COL24A1: variants seen among roughly 807,000 people sequenced by gnomAD.
The protein encoded by COL24A1 is collagen alpha-1(XXIV) chain.
Under a neutral mutation model 253.9 loss-of-function variants are expected in COL24A1, and 224 were observed. That is an observed-to-expected ratio of 0.88 (90% CI 0.79 to 0.99). The LOEUF (loss-of-function observed/expected upper bound fraction) is 0.99. COL24A1 is among the 50% of genes least tolerant of loss of function. The probability of loss-of-function intolerance (pLI) is 0.00; values close to 1 mark genes in which losing one functional copy is unlikely to be tolerated. For missense variants in COL24A1, 2,131 were observed against 2,068.5 expected, an observed-to-expected ratio of 1.03 and a Z score of -0.59; for synonymous variants, 685 against 673.7, an observed-to-expected ratio of 1.02 and a Z score of -0.26.
Position 85,744,792 on chromosome 1 carries a change from C to T in COL24A1, c.4546G>A (p.Glu1516Lys). 6.2e-7 allele frequency: 1 copy of T among 1,610,538 alleles called. No homozygotes were observed. Among genetic ancestry groups the T allele is most frequent in the East Asian group, 2.2e-5 (1 of 44,798 alleles). The change falls in exon 57 of 60, where the codon GAG becomes AAG. Residue 1516 changes from glutamate to lysine, a missense_variant. Physicochemically the swap from Glu to Lys is moderately conservative, Grantham distance 56 (BLOSUM62 1). Coordinates refer to ENST00000370571, the MANE Select transcript of COL24A1 (RefSeq NM_152890.7). ...TEVTLIDHSE[E>K]IFKTLNYLSN... ...AGGTAGTTCAGGGTTTTGAATATCT[C>T]TTCACTGTGGTCAATTAAAGTCACT...
chr1:85,848,875 T>C (rs1677436694), intron 38 of COL24A1, among the ~76,000 whole-genome samples: 1 of 152,186 alleles, frequency 6.6e-6, no homozygotes, highest in Non-Finnish European at 1.5e-5. Flanking sequence ...AGTAAAATAT[T>C]TTTAGTAAAA....
chr1:85,906,264 C>CTT lies in COL24A1; in HGVS notation c.2778+928_2778+929dup, dbSNP rs10526604. Among the ~76,000 whole-genome samples, 349 of 77,844 alleles carry CTT rather than the reference C, an allele frequency of 4.5e-3. 50 individuals carry two copies. The South Asian group carries it at 0.12, about 27-fold the overall frequency. The allele number at this position is 77,844 out of a possible 152,430, so 51.1% of individuals were successfully genotyped here. On this transcript the variant is annotated intron_variant, in intron 28 of 59. Transcript: ENST00000370571. ...TTTGCCAACTGGAAAACTGCAAGGT[C>CTT]TTTTTTTTTTTTTACCATGGTTAGG...
chr1:85,921,956 TGTAG>T, intron 24 of COL24A1, among the ~76,000 whole-genome samples: 1 of 152,068 alleles, frequency 6.6e-6, no homozygotes, highest in East Asian at 1.9e-4. Context: ...GAATAAACAA[TGTAG>T]AGAAGACCTT....
intron 20 of COL24A1, among the ~76,000 whole-genome samples, chr1:85,975,436 A>C (rs1349831737): frequency 6.6e-6 from 1 of 152,214 alleles, no homozygotes; most frequent in Non-Finnish European, 1.5e-5. Context: ...TTCCACCATA[A>C]GAAGAATGAA....
chr1:86,060,239 T>G (rs1053289064), intron 8 of COL24A1, among the ~76,000 whole-genome samples: 1 of 152,188 alleles, frequency 6.6e-6, no homozygotes, highest in Non-Finnish European at 1.5e-5. Flanking sequence ...TTCCTTCATT[T>G]ACTCATCAGT....
At chr1:85,835,288 C>T (rs1675876100) in intron 43 of COL24A1, among the ~76,000 whole-genome samples, 1 of 152,064 alleles carries the variant, frequency 6.6e-6, no homozygotes, top group South Asian at 2.1e-4. Flanking sequence ...TGCACCACCA[C>T]ACCCAGATAA....
intron 28 of COL24A1, among the ~76,000 whole-genome samples, chr1:85,897,579 G>T (rs555512488): frequency 9.2e-5 from 14 of 152,246 alleles, no homozygotes; most frequent in African/African-American, 3.1e-4. Flanking sequence ...AAATATTCGT[G>T]TAAATTTAAA....
At chr1:85,759,594 G>A (rs1666632712) in intron 55 of COL24A1, among the ~76,000 whole-genome samples, 1 of 152,116 alleles carries the variant, frequency 6.6e-6, no homozygotes, top group Non-Finnish European at 1.5e-5. Flanking sequence ...AATACAGAAA[G>A]GAGGAAAAGG....
intron 7 of COL24A1, among the ~76,000 whole-genome samples, chr1:86,082,666 ATAAT>A (rs1478061305): frequency 6.8e-6 from 1 of 148,052 alleles, no homozygotes; most frequent in African/African-American, 2.4e-5. Flanking sequence ...ATATACTGTA[ATAAT>A]TTATATATTT....
chr1:86,099,195 A>G lies in COL24A1; in HGVS notation c.1600-6875T>C, dbSNP rs189008453. Among the ~76,000 whole-genome samples, 513 of 152,306 alleles carry G rather than the reference A, an allele frequency of 3.4e-3. 4 individuals are homozygous for G. Among genetic ancestry groups the G allele is most frequent in the Middle Eastern group, 0.01 (3 of 294 alleles). ...AAGCAGGTCAAAAAAGAAATTATAT[A>G]TTTCCGAGTGATAATGAAAATGTAA... On this transcript the variant is annotated intron_variant, in intron 5 of 59. Transcript: ENST00000370571.
intron 5 of COL24A1, among the ~76,000 whole-genome samples, chr1:86,108,039 T>C (rs1316373725): frequency 1.3e-5 from 2 of 152,206 alleles, no homozygotes; most frequent in Non-Finnish European, 2.9e-5. Flanking sequence ...TGAATAGTTA[T>C]AGTCAAAATT....
intron 3 of COL24A1, among the ~76,000 whole-genome samples, chr1:86,117,493 T>C (rs990373084): frequency 1.3e-5 from 2 of 152,214 alleles, no homozygotes; most frequent in Admixed American, 1.3e-4. Context: ...GTTTATGGCA[T>C]TTTGTTACAG....
At position 86,112,587 on chromosome 1, in the gene COL24A1, G is replaced by A. The variant is rs1236054938; in HGVS notation, c.1579C>T (p.Pro527Ser). The A allele has an allele frequency of 2.5e-6, 4 of 1,613,108 alleles. No individual in the cohort carries two copies. In the South Asian group the frequency reaches 4.4e-5, roughly 18 times the overall value. Residue 527 changes from proline to serine, a missense_variant, in exon 5 of 60, where the codon CCT (proline) becomes TCT (serine). Pro to Ser is a moderately conservative substitution (Grantham distance 74). Coordinates refer to ENST00000370571, the MANE Select transcript of COL24A1 (RefSeq NM_152890.7). Reference sequence around the variant, plus strand: ...CTTACCTTTGGACCAGGTAATCCAGGTAAACCAGGATTTCCATGTGGCCCT... The same window carrying A: ...CTTACCTTTGGACCAGGTAATCCAGATAAACCAGGATTTCCATGTGGCCCT... Reference protein sequence around the residue: ...IPGPHGNPGLPGLPGPKGPKG... With the variant: ...IPGPHGNPGLSGLPGPKGPKG...
At chr1:86,039,120 C>T (rs2101588351) in intron 12 of COL24A1, among the ~76,000 whole-genome samples, 1 of 149,954 alleles carries the variant, frequency 6.7e-6, no homozygotes, top group South Asian at 2.1e-4. Context: ...GACAGAGGCA[C>T]TCAAGTATTT....
intron 23 of COL24A1, among the ~76,000 whole-genome samples, chr1:85,961,904 T>C (rs1691119248): frequency 6.6e-6 from 1 of 152,128 alleles, no homozygotes; most frequent in Non-Finnish European, 1.5e-5. Flanking sequence ...CGCTTCCCAC[T>C]AGGTCCCTCC....
intron 24 of COL24A1, among the ~76,000 whole-genome samples, chr1:85,936,833 G>A (rs1378831864): frequency 2.7e-5 from 4 of 147,528 alleles, no homozygotes; most frequent in African/African-American, 1.0e-4. Context: ...CTGCAGCAGA[G>A]ATTTAAACAC....
chr1:86,017,904 T>C (rs564431891), intron 18 of COL24A1, among the ~76,000 whole-genome samples: 4 of 152,298 alleles, frequency 2.6e-5, no homozygotes, highest in South Asian at 2.1e-4. Flanking sequence ...CATCCTTTAA[T>C]TGAAGTTTTA....
At chr1:86,051,742 C>T (rs1700321139) in intron 10 of COL24A1, among the ~76,000 whole-genome samples, 2 of 152,072 alleles carry the variant, frequency 1.3e-5, no homozygotes, top group South Asian at 4.1e-4. Context: ...AGGTCTCTAT[C>T]TGTCTATAAG....
rs138666109 is a variant in COL24A1 at position 85,966,058 on chromosome 1, G to A, written c.2464-996C>T. On this transcript the variant is annotated intron_variant, in intron 22 of 59. Transcript: ENST00000370571. ...GTAGAAGAAGAGAGTCCAAATAAGC[G>A]TCTAGTACAATAATCCAAGTGAGAG... is the stretch of plus-strand genomic sequence containing the variant. Among the ~76,000 whole-genome samples, 469 of 152,164 alleles carry A rather than the reference G, an allele frequency of 3.1e-3. 1 individual carries two copies. The highest frequency in any genetic ancestry group is 9.9e-3 in the African/African-American group (413 of 41,548).
Sources: gnomAD v4.1 joint callset for allele counts (sites outside exome capture counted in the v4.1 genomes callset) on GRCh38, gnomAD v4.1.1 for gene constraint, MANE v1.5 for transcripts, NCBI Gene and HGNC (gene_info 2026-07-23, HGNC 2026-07-21) for gene names.